Variants in STARD13 observed in about 807,000 individuals in gnomAD.
STARD13 encodes stAR-related lipid transfer protein 13.
A neutral mutation model predicts 106.4 loss-of-function variants in STARD13; 62 were observed. That is an observed-to-expected ratio of 0.58 (90% CI 0.48 to 0.72). STARD13 has a LOEUF of 0.72. Among genes scored for constraint, STARD13 ranks in the 30% least tolerant of loss-of-function variants. The probability of loss-of-function intolerance (pLI) is 0.00; values close to 1 mark genes in which losing one functional copy is unlikely to be tolerated. For missense variants in STARD13, 1,387 were observed against 1,424.0 expected (o/e 0.97, Z 0.42); for synonymous variants, 565 against 553.0 (o/e 1.02, Z -0.31).
chr13:33,620,400 C>T, the STARD13 span, among the ~76,000 whole-genome samples: 10 of 151,682 alleles, frequency 6.6e-5, no homozygotes, highest in South Asian at 2.1e-4. Flanking sequence ...CTCCTGCCTC[C>T]GCCTCCCAAG....
At chr13:33,204,033 C>T (rs1030204629) in intron 1 of STARD13, among the ~76,000 whole-genome samples, 1 of 152,184 alleles carries the variant, frequency 6.6e-6, no homozygotes, top group African/African-American at 2.4e-5. Flanking sequence ...CAAAATTAGG[C>T]AGCATAAAGG....
At chr13:33,582,172 A>T in the STARD13 span, among the ~76,000 whole-genome samples, 4,035 of 151,708 alleles carry the variant, frequency 0.027, 178 homozygotes, top group African/African-American at 0.091. Flanking sequence ...CAGTGAGCCG[A>T]GATCACGTCA....
chr13:33,171,618 G>T (rs776239865), intron 1 of STARD13, among the ~76,000 whole-genome samples: 1 of 152,152 alleles, frequency 6.6e-6, no homozygotes, highest in Non-Finnish European at 1.5e-5. Flanking sequence ...ACCCACATAA[G>T]GTGACCTGAT....
the STARD13 span, among the ~76,000 whole-genome samples, chr13:33,382,394 G>A: frequency 2.0e-5 from 3 of 151,986 alleles, no homozygotes; most frequent in Non-Finnish European, 4.4e-5. Flanking sequence ...TCCCCACACT[G>A]GGCAGATCGC....
At chr13:33,434,856 G>A in the STARD13 span, among the ~76,000 whole-genome samples, 1 of 150,468 alleles carries the variant, frequency 6.6e-6, no homozygotes, top group Non-Finnish European at 1.5e-5. Flanking sequence ...GGACTTTCTA[G>A]CCTATTGGAA....
the STARD13 span, among the ~76,000 whole-genome samples, chr13:33,603,998 A>T: frequency 3.4e-4 from 51 of 152,184 alleles, no homozygotes; most frequent in Non-Finnish European, 5.9e-4. Context: ...AAGAAATAAG[A>T]CACTCTTACA....
the STARD13 span, among the ~76,000 whole-genome samples, chr13:33,587,150 A>G: frequency 1.3e-5 from 2 of 149,948 alleles, no homozygotes; most frequent in Non-Finnish European, 3.0e-5. Flanking sequence ...TGGGAGGCAG[A>G]GGTTGCAGTG....
At chr13:33,662,623 A>G in the STARD13 span, among the ~76,000 whole-genome samples, 1 of 152,178 alleles carries the variant, frequency 6.6e-6, no homozygotes, top group Non-Finnish European at 1.5e-5. Flanking sequence ...ATCCAGTTCT[A>G]TTGGAAACAA....
chr13:33,462,806 T>C, the STARD13 span, among the ~76,000 whole-genome samples: 2 of 152,172 alleles, frequency 1.3e-5, no homozygotes, highest in Admixed American at 6.5e-5. Context: ...CCCACCCAGA[T>C]TGAGGGTGGG....
At chr13:33,670,368 A>G in the STARD13 span, among the ~76,000 whole-genome samples, 6 of 152,208 alleles carry the variant, frequency 3.9e-5, no homozygotes, top group Admixed American at 6.5e-5. Context: ...TTGAACGAAC[A>G]TAATTGGAGA....
chr13:33,264,235 A>T (rs1294004902), intron 1 of STARD13, among the ~76,000 whole-genome samples: 4 of 152,258 alleles, frequency 2.6e-5, no homozygotes. Context: ...GAACAGAGAC[A>T]AGCCATTTCC....
intron 1 of STARD13, among the ~76,000 whole-genome samples, chr13:33,254,520 C>A (rs1890243540): frequency 6.6e-6 from 1 of 152,148 alleles, no homozygotes; most frequent in African/African-American, 2.4e-5. Flanking sequence ...GATTCCCCGA[C>A]AAAGGCCCTA....
chr13:33,415,547 G>A, the STARD13 span, among the ~76,000 whole-genome samples: 11 of 152,166 alleles, frequency 7.2e-5, no homozygotes, highest in African/African-American at 2.7e-4. Context: ...AATTTTACTA[G>A]GAAATGAAGA....
At chr13:33,541,398 G>A in the STARD13 span, among the ~76,000 whole-genome samples, 9 of 151,990 alleles carry the variant, frequency 5.9e-5, no homozygotes, top group African/African-American at 1.9e-4. Flanking sequence ...TGGATATCCT[G>A]CCTCCTTCTT....
chr13:33,300,498 G>GC (rs1205694424), intron 1 of STARD13, among the ~76,000 whole-genome samples: 1 of 152,190 alleles, frequency 6.6e-6, no homozygotes, highest in Non-Finnish European at 1.5e-5. Flanking sequence ...AAGGGTGGAT[G>GC]CCTAGACTTT....
chr13:33,416,890 C>A, the STARD13 span, among the ~76,000 whole-genome samples: 1 of 151,998 alleles, frequency 6.6e-6, no homozygotes, highest in African/African-American at 2.4e-5. Flanking sequence ...CAAAGGACAC[C>A]ATCAAGAAAG....
At chr13:33,456,369 T>C in the STARD13 span, among the ~76,000 whole-genome samples, 1 of 152,154 alleles carries the variant, frequency 6.6e-6, no homozygotes, top group Admixed American at 6.5e-5. Context: ...TTTGTATTTT[T>C]AGTAGAGATG....
chr13:33,531,448 C>T, the STARD13 span, among the ~76,000 whole-genome samples: 8 of 152,132 alleles, frequency 5.3e-5, no homozygotes, highest in African/African-American at 1.9e-4. Flanking sequence ...CTAGTGGGTG[C>T]CTTGTCAATT....
upstream of STARD13, among the ~76,000 whole-genome samples, chr13:33,353,804 C>T (rs1245301059): frequency 6.7e-6 from 1 of 149,486 alleles, no homozygotes; most frequent in Non-Finnish European, 1.5e-5. Flanking sequence ...TTCCTTATAG[C>T]GCTTCCACTT....
Sources: allele counts gnomAD v4.1 joint callset (sites outside exome capture counted in the v4.1 genomes callset), GRCh38; gene constraint gnomAD v4.1.1; transcripts MANE v1.5; gene names NCBI Gene and HGNC (gene_info 2026-07-23, HGNC 2026-07-21).